Variants in INTS10 observed in about 807,000 individuals in gnomAD.
INTS10 encodes chromosome 8 open reading frame 35.
Under a neutral mutation model 94.4 loss-of-function variants are expected in INTS10, and 44 were observed. The observed-to-expected ratio is 0.47, with a 90% confidence interval of 0.37 to 0.60. The LOEUF (loss-of-function observed/expected upper bound fraction) is 0.60, where lower values mean the gene tolerates loss of function less well. INTS10 is among the 20% of genes least tolerant of loss of function. The pLI is 0.00. For missense variants in INTS10, 797 were observed against 868.7 expected (o/e 0.92, Z 1.04); for synonymous variants, 341 against 320.7 (o/e 1.06, Z -0.68).
At chr8:19,837,442 C>G (rs1376422617) in intron 13 of INTS10, 1 of 267,796 alleles carries the variant, frequency 3.7e-6, no homozygotes, top group African/African-American at 2.2e-5. Context: ...AAAAGTTAAT[C>G]CCTTTCCAAG....
At chr8:19,819,127 A>G (rs2066169289) in intron 2 of INTS10, among the ~76,000 whole-genome samples, 1 of 152,090 alleles carries the variant, frequency 6.6e-6, no homozygotes, top group South Asian at 2.1e-4. Context: ...CCAACACTGG[A>G]TATTATTAGT....
At chr8:19,825,906 G>A (rs750440684) in intron 8 of INTS10, among the ~76,000 whole-genome samples, 1 of 152,024 alleles carries the variant, frequency 6.6e-6, no homozygotes, top group Non-Finnish European at 1.5e-5. Flanking sequence ...TTAGTGACAG[G>A]GAATCTTTAA....
At chr8:19,822,049 T>C (rs531759729) in intron 4 of INTS10, 20 of 165,150 alleles carry the variant, frequency 1.2e-4, no homozygotes, top group African/African-American at 4.3e-4. Flanking sequence ...TTTGTCTATA[T>C]TGATACATCT....
intron 16 of INTS10, among the ~76,000 whole-genome samples, chr8:19,850,121 G>T (rs1223622888): frequency 8.1e-6 from 1 of 124,166 alleles, no homozygotes; most frequent in African/African-American, 3.2e-5. Flanking sequence ...AAGATAGCAA[G>T]ATGCCATCTC....
chr8:19,825,110 T>C, intron 8 of INTS10, 138 bp downstream of exon 8: 1 of 686,136 alleles, frequency 1.5e-6, no homozygotes, highest in Admixed American at 3.1e-5. Flanking sequence ...GTTGGCGATT[T>C]AGTTTTGTTT....
chr8:19,829,946 G>T (rs1234349445), intron 9 of INTS10, among the ~76,000 whole-genome samples: 1 of 152,154 alleles, frequency 6.6e-6, no homozygotes, highest in Non-Finnish European at 1.5e-5. Flanking sequence ...GGGAATATAG[G>T]CATAAGCTGC....
chr8:19,831,296 A>G (rs964963452), intron 10 of INTS10, among the ~76,000 whole-genome samples: 14 of 152,180 alleles, frequency 9.2e-5, no homozygotes, highest in African/African-American at 3.4e-4. Context: ...ATATGTGACA[A>G]TTTTGGAGGG....
Position 19,830,431 on chromosome 8 carries a change from C to T in INTS10, c.1166C>T (p.Ala389Val), listed in dbSNP as rs778966729. Residue 389 changes from alanine (A) to valine (V), a missense_variant, in exon 10 of 17, where the codon GCG becomes GTG. Physicochemically the swap from Ala to Val is moderately conservative, Grantham distance 64. Around this residue, in one of 3 missense-constraint regions of INTS10, gnomAD observed 734 missense variants for 787.8 expected, o/e 0.93. Coordinates refer to ENST00000397977, the MANE Select transcript of INTS10 (RefSeq NM_018142.4). ...TMSSDDEDCSAKGRNRHIVVN... is the reference protein window; with the variant it reads ...TMSSDDEDCSVKGRNRHIVVN... ...AGTTCAGACGATGAAGACTGTTCGG[C>T]GAAAGGAAGAAATCGTCACATTGTA... 8.7e-6 allele frequency: 14 copies of T among 1,613,632 alleles called. No individual in the cohort carries two copies. The East Asian group carries it at 1.3e-4, about 15-fold the overall frequency.
intron 9 of INTS10, among the ~76,000 whole-genome samples, chr8:19,826,913 C>T (rs1368889140): frequency 6.6e-6 from 1 of 152,100 alleles, no homozygotes; most frequent in Non-Finnish European, 1.5e-5. Context: ...TCAGTTTAAA[C>T]AACAAAAGCA....
At chr8:19,844,975 G>A (rs1032096837) in intron 15 of INTS10, among the ~76,000 whole-genome samples, 1 of 151,918 alleles carries the variant, frequency 6.6e-6, no homozygotes, top group Non-Finnish European at 1.5e-5. Context: ...ATAGCTCACT[G>A]CAGTCTTAAA....
chr8:19,825,835 A>G (rs1031813721), intron 8 of INTS10, among the ~76,000 whole-genome samples: 1 of 152,142 alleles, frequency 6.6e-6, no homozygotes, highest in African/African-American at 2.4e-5. Flanking sequence ...ATGACTCATG[A>G]TCATTATAAA....
rs1165666891 is a variant in INTS10 at position 19,846,387 on chromosome 8, C to T, written c.1976+590C>T. 2.0e-5 allele frequency among the ~76,000 whole-genome samples: 3 copies of T among 151,350 alleles called. No individual in the cohort carries two copies. The highest frequency in any genetic ancestry group is 4.9e-5 in the African/African-American group (2 of 41,078). ...GGTGGAGGTTGCAGTGAGCCGAGGTCGCGCCATTACACTCCAGCCTGGGCA... is the reference window on the plus strand; with the variant it reads ...GGTGGAGGTTGCAGTGAGCCGAGGTTGCGCCATTACACTCCAGCCTGGGCA... On this transcript the variant is annotated intron_variant, in intron 16 of 16. Coordinates refer to ENST00000397977, the MANE Select transcript of INTS10 (RefSeq NM_018142.4). The surrounding 1 kb of genome is among the most constrained non-coding windows in gnomAD (Gnocchi z 4.2).
chr8:19,838,062 A>G lies in INTS10; in HGVS notation c.1639+902A>G, dbSNP rs1395016765. 3.3e-5 allele frequency among the ~76,000 whole-genome samples: 5 copies of G among 152,334 alleles called. No homozygotes were observed. The Middle Eastern group carries it at 0.014, about 415-fold the overall frequency. Reference sequence around the variant, plus strand: ...AATTGACACAAAAAATAAACAGAAAATCAGAATGTTCTGCCAGGAACAGTA... The same window carrying G: ...AATTGACACAAAAAATAAACAGAAAGTCAGAATGTTCTGCCAGGAACAGTA... On this transcript the variant is annotated intron_variant, in intron 13 of 16. Transcript: ENST00000397977.
chr8:19,823,817 C>A, intron 6 of INTS10, 56 bp from the exon 7 acceptor site: 2 of 1,380,764 alleles, frequency 1.4e-6, no homozygotes, highest in Non-Finnish European at 2.0e-6. Context: ...TATCAGGTAC[C>A]ATGTCAACAG....
At position 19,850,691 on chromosome 8, in the gene INTS10, AG is replaced by A. The variant is rs545199331; in HGVS notation, c.1977-956del. Among the ~76,000 whole-genome samples the A allele has an allele frequency of 8.5e-5, 13 of 152,302 alleles. No homozygotes were observed. In the South Asian group the frequency reaches 2.7e-3, roughly 32 times the overall value. Reference sequence around the variant, plus strand: ...AATTAGGCATCAGGGTGGGAAACAGAGGTGACTTTTATTTGTCTAAGTCTAC... The same window carrying A: ...AATTAGGCATCAGGGTGGGAAACAGAGTGACTTTTATTTGTCTAAGTCTAC... On this transcript the variant is annotated intron_variant, in intron 16 of 16. Coordinates refer to ENST00000397977, the MANE Select transcript of INTS10 (RefSeq NM_018142.4).
At chr8:19,822,402 G>T (rs150193176) in intron 4 of INTS10, 37 bp from the exon 5 acceptor site, 63 of 1,269,950 alleles carry the variant, frequency 5.0e-5, no homozygotes, top group Admixed American at 1.6e-4. Context: ...AACTTATGCT[G>T]TAACACATTT....
intron 13 of INTS10, among the ~76,000 whole-genome samples, chr8:19,840,268 T>G (rs2068027061): frequency 6.6e-6 from 1 of 152,170 alleles, no homozygotes; most frequent in South Asian, 2.1e-4. Flanking sequence ...AAAACATTTC[T>G]GAGAAAAATT....
chr8:19,838,929 A>G (rs1419636477), intron 13 of INTS10, among the ~76,000 whole-genome samples: 1 of 152,028 alleles, frequency 6.6e-6, no homozygotes, highest in Non-Finnish European at 1.5e-5. Flanking sequence ...AAAATTAGCC[A>G]GGCCTGGTGG....
chr8:19,835,782 C>T (rs984064004), intron 12 of INTS10, among the ~76,000 whole-genome samples: 4 of 152,182 alleles, frequency 2.6e-5, no homozygotes, highest in African/African-American at 7.2e-5. Flanking sequence ...ATGGATCCTG[C>T]AGCTTTTGGG....
Sources: gnomAD v4.1 joint callset for allele counts (sites outside exome capture counted in the v4.1 genomes callset) on GRCh38, gnomAD v4.1.1 for gene constraint, gnomAD v4.1.1 regional missense constraint, Gnocchi (gnomAD v3.1) non-coding constraint, MANE v1.5 for transcripts, NCBI Gene and HGNC (gene_info 2026-07-23, HGNC 2026-07-21) for gene names.